The following GLDC variants were observed in gnomAD, a reference collection of about 807,000 sequenced individuals.
GLDC encodes glycine decarboxylase.
Under a neutral mutation model 121.3 loss-of-function variants are expected in GLDC, and 104 were observed. The ratio of observed to expected loss-of-function variants is 0.86; its 90% CI spans 0.73 to 1.01. GLDC has a LOEUF of 1.01. GLDC is among the 50% of genes least tolerant of loss of function. GLDC has a pLI of 0.00. For missense variants in GLDC, 1,429 were observed against 1,306.6 expected (o/e 1.09, Z -1.44); for synonymous variants, 546 against 480.6 (o/e 1.14, Z -1.78).
intron 18 of GLDC, among the ~76,000 whole-genome samples, chr9:6,555,286 G>A (rs753340668): frequency 2.6e-5 from 4 of 152,206 alleles, no homozygotes; most frequent in Non-Finnish European, 4.4e-5. Flanking sequence ...GGCAAGGCTC[G>A]CAGTCTTCCC....
chr9:6,535,082 A>G lies in GLDC; in HGVS notation c.2839-294T>C, dbSNP rs112581576. On this transcript the variant is annotated intron_variant, in intron 23 of 24. Coordinates refer to ENST00000321612, the MANE Select transcript of GLDC (RefSeq NM_000170.3). ...CGTTTGGTGCTGCCTGTATATCCCCATCCCAGTGCTAACCACTCTTCTGAA... is the reference window on the plus strand; with the variant it reads ...CGTTTGGTGCTGCCTGTATATCCCCGTCCCAGTGCTAACCACTCTTCTGAA... 9.7e-3 allele frequency among the ~76,000 whole-genome samples: 1,478 copies of G among 152,196 alleles called. 24 individuals are homozygous for G. The highest frequency in any genetic ancestry group is 0.034 in the African/African-American group (1,406 of 41,526).
In GLDC at chr9:6,554,380, G is replaced by A. The variant is rs62568964; in HGVS notation, c.2315+289C>T. 0.11 allele frequency among the ~76,000 whole-genome samples: 16,355 copies of A among 152,210 alleles called. 1,118 individuals are homozygous for A. Among genetic ancestry groups the A allele is most frequent in the Non-Finnish European group, 0.14 (9,840 of 67,984 alleles). ...CCAATATTCCAGTTACAATACGTAT[G>A]CTCAGGTGAAGTTCCCTATTCATTA... On this transcript the variant is annotated intron_variant, in intron 19 of 24. Coordinates refer to ENST00000321612, the MANE Select transcript of GLDC (RefSeq NM_000170.3).
intron 2 of GLDC, chr9:6,639,254 A>C (rs1471119841): frequency 5.2e-5 from 48 of 915,738 alleles, no homozygotes; most frequent in East Asian, 2.6e-4. Flanking sequence ...ACAAAAAAAA[A>C]GAAGATCCGC....
intron 23 of GLDC, 52 bp from the exon 24 acceptor site, chr9:6,534,840 C>G (rs371653704): frequency 2.1e-6 from 2 of 943,598 alleles, no homozygotes; most frequent in Non-Finnish European, 3.5e-6. Flanking sequence ...ACTCTCTTCT[C>G]CTCCTACCCT....
At position 6,605,137 on chromosome 9, in the gene GLDC, C is replaced by G. The variant is rs1818703925; in HGVS notation, c.855G>C (p.Gln285His). 6.2e-7 allele frequency: 1 copy of G among 1,612,558 alleles called. No individual in the cohort carries two copies. The highest frequency in any genetic ancestry group is 8.5e-7 in the Non-Finnish European group (1 of 1,179,950). ...DFTELVERAH[Q>H]SGSLACCATD... is the part of the protein sequence containing the mutation. ...ACAAGAAAGGTATACCTACCCCACT[C>G]TGATGAGCTCTCTCCACGAGTTCCG... Residue 285 changes from glutamine (Q) to histidine (H), a missense_variant, in exon 6 of 25, where the codon CAG becomes CAC. Gln to His is a conservative substitution (Grantham distance 24, BLOSUM62 0). Transcript: ENST00000321612.
rs1377651939 is a variant in GLDC, at chr9:6,605,242, A to C, written c.750T>G (p.Cys250Trp). 2.4e-5 allele frequency: 39 copies of C among 1,613,834 alleles called. No homozygotes were observed. The highest frequency in any genetic ancestry group is 3.3e-5 in the Non-Finnish European group (39 of 1,179,708). The change falls in exon 6 of 25, where the codon TGT becomes TGG. Residue 250 changes from cysteine to tryptophan, a missense_variant. Cys to Trp is a radical substitution (Grantham distance 215, BLOSUM62 -2). Coordinates refer to ENST00000321612, the MANE Select transcript of GLDC (RefSeq NM_000170.3). ...CATCTTTTCCACTGAAGTCCATTTC[A>C]CAGGGTAACTTCAGCTCAGTGAGGA... ...TGVLTELKLPCEMDFSGKDVS... is the reference protein window; with the variant it reads ...TGVLTELKLPWEMDFSGKDVS...
intron 8 of GLDC, among the ~76,000 whole-genome samples, chr9:6,599,417 G>T (rs1223676190): frequency 6.6e-6 from 1 of 151,832 alleles, no homozygotes; most frequent in East Asian, 2.0e-4. Flanking sequence ...AGAAAGTGAG[G>T]CCACCATATA....
chr9:6,625,383 G>C (rs1482929649), intron 2 of GLDC, among the ~76,000 whole-genome samples: 1 of 152,156 alleles, frequency 6.6e-6, no homozygotes, highest in African/African-American at 2.4e-5. Context: ...ACTTTATTTG[G>C]CTGCATGCCT....
intron 15 of GLDC, chr9:6,584,940 C>T (rs1410945999): frequency 6.6e-6 from 1 of 152,186 alleles, no homozygotes; most frequent in African/African-American, 2.4e-5. Flanking sequence ...GAAAGAACAC[C>T]AGGTATGTAG....
At chr9:6,534,846 A>G in intron 23 of GLDC, 58 bp from the exon 24 acceptor site, 1 of 866,814 alleles carries the variant, frequency 1.2e-6, no homozygotes, top group South Asian at 1.4e-5. Context: ...TTCTCCTCCT[A>G]CCCTGCACCT....
At chr9:6,621,672 C>T (rs1819097394) in intron 2 of GLDC, among the ~76,000 whole-genome samples, 1 of 152,116 alleles carries the variant, frequency 6.6e-6, no homozygotes, top group African/African-American at 2.4e-5. Flanking sequence ...CGCACATCAC[C>T]ACACCTGGCT....
At chr9:6,610,434 C>A in intron 3 of GLDC, 78 bp from the exon 4 acceptor site, 1 of 1,404,834 alleles carries the variant, frequency 7.1e-7, no homozygotes, top group Non-Finnish European at 1.0e-6. Flanking sequence ...TTTCAGAATT[C>A]AGTACCTGAA....
intron 19 of GLDC, 127 bp downstream of exon 19, chr9:6,554,542 A>G (rs955667547): frequency 1.3e-6 from 1 of 752,834 alleles, no homozygotes; most frequent in Non-Finnish European, 2.4e-6. Context: ...CCCAGCCCCT[A>G]CAAGTGCACT....
Position 6,534,739 on chromosome 9 carries a change from G to T in GLDC, c.2888C>A (p.Pro963His). 1 of 1,607,200 alleles carries T rather than the reference G, an allele frequency of 6.2e-7. No individual in the cohort carries two copies. Among genetic ancestry groups the T allele is most frequent in the Non-Finnish European group, 8.5e-7 (1 of 1,173,708 alleles). The change falls in exon 24 of 25, where the codon CCT becomes CAT. Residue 963 changes from proline (P) to histidine (H), a missense_variant. Physicochemically the swap from Pro to His is moderately conservative, Grantham distance 77 (BLOSUM62 -2). Transcript: ENST00000321612. ...GAATGCTGCCACCTCTCTGGAATAA[G>T]GCCGGTCCCAGTGGGAAGATGTAAC... ...TCVTSSHWDR[P>H]YSREVAAFPL...
chr9:6,607,903 G>A (rs1373665219), intron 4 of GLDC, among the ~76,000 whole-genome samples: 1 of 150,332 alleles, frequency 6.7e-6, no homozygotes, highest in Non-Finnish European at 1.5e-5. Context: ...TGGGTGGATT[G>A]CTCGAGCTCA....
At chr9:6,543,069 G>C (rs567523240) in intron 21 of GLDC, among the ~76,000 whole-genome samples, 1 of 151,958 alleles carries the variant, frequency 6.6e-6, no homozygotes. Context: ...TTGAGCTTGG[G>C]AGTTGGAGAC....
At chr9:6,539,103 T>C (rs534853800) in intron 22 of GLDC, among the ~76,000 whole-genome samples, 1 of 152,300 alleles carries the variant, frequency 6.6e-6, no homozygotes, top group Non-Finnish European at 1.5e-5. Context: ...TCCATATCCA[T>C]TGAATGGCAA....
intron 19 of GLDC, 137 bp from the exon 20 acceptor site, chr9:6,553,646 G>C (rs978138067): frequency 3.7e-6 from 3 of 801,138 alleles, no homozygotes; most frequent in African/African-American, 3.4e-5. Context: ...CACCTGCTGG[G>C]AGGCAGATGT....
chr9:6,607,531 A>C (rs1818760258), intron 4 of GLDC, among the ~76,000 whole-genome samples: 1 of 152,106 alleles, frequency 6.6e-6, no homozygotes, highest in South Asian at 2.1e-4. Context: ...GCAGTGAGCC[A>C]AGATCGCCTC....
Sources: allele counts gnomAD v4.1 joint callset (sites outside exome capture counted in the v4.1 genomes callset), GRCh38; gene constraint gnomAD v4.1.1; transcripts MANE v1.5; gene names NCBI Gene and HGNC (gene_info 2026-07-23, HGNC 2026-07-21).